GOLM2: variants seen among roughly 807,000 people sequenced by gnomAD.
GOLM2 encodes protein GOLM2.
Under a neutral mutation model 55.9 loss-of-function variants are expected in GOLM2, and 26 were observed. The ratio of observed to expected loss-of-function variants is 0.47; its 90% CI spans 0.34 to 0.65. The LOEUF is 0.65. Ranked by LOEUF, GOLM2 falls within the 30% of genes least tolerant of loss-of-function variation. GOLM2 has a pLI of 0.01. For synonymous variants in GOLM2, 165 were observed against 194.6 expected (o/e 0.85, Z 1.27); for missense variants, 486 against 531.8 (o/e 0.91, Z 0.85).
intron 6 of GOLM2, among the ~76,000 whole-genome samples, chr15:44,369,693 TAC>T (rs3986148): frequency 0.02 from 2,917 of 143,574 alleles, 97 homozygotes; most frequent in African/African-American, 0.068. Context: ...TATATATGCA[TAC>T]ACACACACAC....
chr15:44,374,673 G>T lies in GOLM2; in HGVS notation c.803-5017G>T, dbSNP rs181067562. On this transcript the variant is annotated intron_variant, in intron 6 of 9. Coordinates refer to ENST00000299957, the MANE Select transcript of GOLM2 (RefSeq NM_138423.4). ...GCACATCTTCACATGGCCGGAGAAG[G>T]AGGAAGAAAGCAAAGGGGAAGGTGC... 2.0e-5 allele frequency among the ~76,000 whole-genome samples: 3 copies of T among 152,306 alleles called. No homozygotes were observed. In the East Asian group the frequency reaches 5.8e-4, roughly 29 times the overall value.
At position 44,406,116 on chromosome 15, in the gene GOLM2, G is replaced by A. The variant is rs960453836; in HGVS notation, c.1240+3062G>A. On this transcript the variant is annotated intron_variant, in intron 9 of 9. Transcript: ENST00000299957. ...GAACATAGAGTAGAAAAAAACATTA[G>A]TCAGCCAGGCGCAGTGGCTCACACC... 3.0e-4 allele frequency among the ~76,000 whole-genome samples: 45 copies of A among 152,104 alleles called. 1 individual carries two copies. The highest frequency in any genetic ancestry group is 2.4e-4 in the Non-Finnish European group (16 of 68,022).
chr15:44,379,707 A>G lies in GOLM2; in HGVS notation c.820A>G (p.Ile274Val), dbSNP rs2079389239. The G allele has an allele frequency of 2.5e-6, 4 of 1,592,162 alleles. No homozygotes were observed. The South Asian group carries it at 4.4e-5, about 18-fold the overall frequency. Residue 274 changes from isoleucine (I) to valine (V), a missense_variant, in exon 7 of 10, where the codon ATT becomes GTT. Coordinates refer to ENST00000299957, the MANE Select transcript of GOLM2 (RefSeq NM_138423.4). ...TCTTCTAGCTTTAAGGAAGCCTCCT[A>G]TTTCAGTTTCTCAACATGAAAGTCA... ...DLPPALRKPPISVSQHESHQA... is the reference protein window; with the variant it reads ...DLPPALRKPPVSVSQHESHQA...
At chr15:44,397,903 C>T (rs146309474) in intron 8 of GOLM2, among the ~76,000 whole-genome samples, 2 of 152,320 alleles carry the variant, frequency 1.3e-5, no homozygotes, top group Non-Finnish European at 2.9e-5. Context: ...GATTTGGAAT[C>T]ATCCTTTGAC....
chr15:44,369,308 A>G (rs1450940337), intron 6 of GOLM2, among the ~76,000 whole-genome samples: 1 of 149,076 alleles, frequency 6.7e-6, no homozygotes, highest in Non-Finnish European at 1.5e-5. Context: ...TTTTCACCAA[A>G]TGATTCTTCC....
At position 44,364,073 on chromosome 15, in the gene GOLM2, T is replaced by C. The variant is rs369980414; in HGVS notation, c.803-15617T>C. 3.5e-4 allele frequency among the ~76,000 whole-genome samples: 53 copies of C among 152,092 alleles called. 1 individual carries two copies. In the East Asian group the frequency reaches 7.2e-3, roughly 21 times the overall value. Reference sequence around the variant, plus strand: ...TGGGGGGAGCGGGGAGGGATAGCATTGGGAGATATACCTAATGCTAGTTGA... The same window carrying C: ...TGGGGGGAGCGGGGAGGGATAGCATCGGGAGATATACCTAATGCTAGTTGA... On this transcript the variant is annotated intron_variant, in intron 6 of 9. Transcript: ENST00000299957.
intron 9 of GOLM2, among the ~76,000 whole-genome samples, chr15:44,403,453 C>T (rs141839456): frequency 0.011 from 1,651 of 152,248 alleles, 40 homozygotes; most frequent in East Asian, 0.086. Context: ...TGAGCCACTG[C>T]GCCCAGCCAA....
rs924254528 is a variant in GOLM2 at position 44,289,438 on chromosome 15, T to C, written c.327+82T>C. On this transcript the variant is annotated intron_variant, in intron 1 of 9. Transcript: ENST00000299957. This position sits in a 1 kb window ranked among gnomAD's most constrained non-coding sequence, Gnocchi z 4.8. ...GGGCGGGATGTTAATCCGCTAGCTG[T>C]TGTCTTATGCCTTCCAGTATTTCAG... is the stretch of plus-strand genomic sequence containing the variant. The C allele has an allele frequency of 2.4e-5, 30 of 1,267,702 alleles. No homozygotes were observed. The highest frequency in any genetic ancestry group is 3.2e-5 in the Non-Finnish European group (29 of 918,552). 78.5% of individuals were successfully genotyped at this position (1,267,702 alleles called of 1,614,324 possible).
intron 6 of GOLM2, among the ~76,000 whole-genome samples, chr15:44,347,803 C>CCTT (rs1287055426): frequency 6.6e-6 from 1 of 152,148 alleles, no homozygotes; most frequent in Non-Finnish European, 1.5e-5. Flanking sequence ...GAGACCCCTT[C>CCTT]CTTCTGTTTG....
chr15:44,320,957 A>G (rs1172474182), intron 1 of GOLM2, among the ~76,000 whole-genome samples: 2 of 152,062 alleles, frequency 1.3e-5, no homozygotes, highest in African/African-American at 4.8e-5. Context: ...CCCCTTTCCC[A>G]TCTGTTTAAA....
intron 1 of GOLM2, among the ~76,000 whole-genome samples, chr15:44,319,490 G>A (rs1595623916): frequency 1.3e-5 from 2 of 152,300 alleles, no homozygotes; most frequent in African/African-American, 2.4e-5. Context: ...AAAATGCTGG[G>A]ATTATAGGCA....
At chr15:44,298,768 A>G (rs2078776120) in intron 1 of GOLM2, among the ~76,000 whole-genome samples, 1 of 152,218 alleles carries the variant, frequency 6.6e-6, no homozygotes, top group Non-Finnish European at 1.5e-5. Context: ...TACAAAATGT[A>G]CGAGGTTGAT....
chr15:44,290,821 G>A (rs892562831), intron 1 of GOLM2, among the ~76,000 whole-genome samples: 3 of 152,064 alleles, frequency 2.0e-5, no homozygotes, highest in Non-Finnish European at 4.4e-5. Context: ...TGTTTTTTGA[G>A]ACGGAGTTTT....
intron 1 of GOLM2, among the ~76,000 whole-genome samples, chr15:44,297,888 G>A (rs1455852923): frequency 8.9e-6 from 1 of 112,124 alleles, no homozygotes; most frequent in Non-Finnish European, 1.8e-5. Context: ...TTTTTTTTGA[G>A]ATGGAGTCTT....
intron 8 of GOLM2, among the ~76,000 whole-genome samples, chr15:44,401,258 C>T (rs997833123): frequency 1.3e-5 from 2 of 151,952 alleles, no homozygotes; most frequent in African/African-American, 4.8e-5. Flanking sequence ...ACTACAGACC[C>T]CTGGCTAATT....
chr15:44,344,192 G>A (rs954685816), intron 6 of GOLM2, among the ~76,000 whole-genome samples: 3 of 151,210 alleles, frequency 2.0e-5, no homozygotes, highest in African/African-American at 2.4e-5. Context: ...CCCAGGAGGC[G>A]GAGGCTTCAG....
intron 1 of GOLM2, among the ~76,000 whole-genome samples, chr15:44,301,912 CAA>C (rs879475681): frequency 5.4e-5 from 6 of 110,990 alleles, no homozygotes; most frequent in Admixed American, 2.0e-4. Context: ...GACCCTCTCT[CAA>C]AAAAAAAAAA....
intron 6 of GOLM2, among the ~76,000 whole-genome samples, chr15:44,368,379 T>TAACCTCACTTGAACTCCTC (rs1435890102): frequency 6.7e-6 from 1 of 150,244 alleles, no homozygotes; most frequent in Admixed American, 6.7e-5. Flanking sequence ...CTTGAACTCC[T>TAACCTCACTTGAACTCCTC]AACCTCAAGT....
At position 44,366,659 on chromosome 15, in the gene GOLM2, A is replaced by G. The variant is rs563519228; in HGVS notation, c.803-13031A>G. On this transcript the variant is annotated intron_variant, in intron 6 of 9. Coordinates refer to ENST00000299957, the MANE Select transcript of GOLM2 (RefSeq NM_138423.4). Reference sequence around the variant, plus strand: ...AAAAATAAAAATTAAAATTAAAGAGAAGTAATTACAGTGATGTGTGAGAGG... The same window carrying G: ...AAAAATAAAAATTAAAATTAAAGAGGAGTAATTACAGTGATGTGTGAGAGG... Among the ~76,000 whole-genome samples, 16 of 152,212 alleles carry G rather than the reference A, an allele frequency of 1.1e-4. No homozygotes were observed. The East Asian group carries it at 3.1e-3, about 29-fold the overall frequency.
Sources: allele counts gnomAD v4.1 joint callset (sites outside exome capture counted in the v4.1 genomes callset), GRCh38; gene constraint gnomAD v4.1.1; non-coding constraint Gnocchi (gnomAD v3.1); transcripts MANE v1.5; gene names NCBI Gene and HGNC (gene_info 2026-07-23, HGNC 2026-07-21).